The following PLPPR4 variants were observed in gnomAD, a reference collection of about 807,000 sequenced individuals.
PLPPR4 encodes phospholipid phosphatase-related protein type 4.
PLPPR4 carries 24 observed loss-of-function variants against 56.6 expected under a neutral mutation model. That is an observed-to-expected ratio of 0.42 (90% CI 0.31 to 0.60). PLPPR4 has a LOEUF of 0.60. Ranked by LOEUF, PLPPR4 falls within the 20% of genes least tolerant of loss-of-function variation. PLPPR4 has a pLI of 0.13. For missense variants in PLPPR4, 654 were observed against 885.8 expected, an observed-to-expected ratio of 0.74 and a Z score of 3.32; for synonymous variants, 326 against 328.1, an observed-to-expected ratio of 0.99 and a Z score of 0.07.
At chr1:99,296,933 T>G in intron 3 of PLPPR4, 66 bp downstream of exon 3, 9 of 1,365,760 alleles carry the variant, frequency 6.6e-6, no homozygotes, top group Middle Eastern at 2.4e-4. Flanking sequence ...TATATTTAAT[T>G]ATAGATATTA....
At position 99,271,696 on chromosome 1, in the gene PLPPR4, G is replaced by A. The variant is rs1186275247; in HGVS notation, c.78+7025G>A. Among the ~76,000 whole-genome samples, 3 of 152,258 alleles carry A rather than the reference G, an allele frequency of 2.0e-5. No individual in the cohort carries two copies. In the East Asian group the frequency reaches 5.8e-4, roughly 29 times the overall value. Reference sequence around the variant, plus strand: ...CTGGGCAAGCACAAATGGCACCCATGAGTCTCTGATGAAGATTAATGAGGA... The same window carrying A: ...CTGGGCAAGCACAAATGGCACCCATAAGTCTCTGATGAAGATTAATGAGGA... On this transcript the variant is annotated intron_variant, in intron 1 of 6. Transcript: ENST00000370185.
In PLPPR4 at chr1:99,293,039, G is replaced by C. The variant is rs150640067; in HGVS notation, c.265-3699G>C. 8.6e-3 allele frequency among the ~76,000 whole-genome samples: 1,303 copies of C among 152,246 alleles called. 8 individuals carry two copies. The highest frequency in any genetic ancestry group is 0.014 in the Non-Finnish European group (982 of 68,026). ...TGTTCCAAAAATGGGGTCATGAGAG[G>C]GGGTAGGGAGGTAAGCAGAACTCTC... On this transcript the variant is annotated intron_variant, in intron 2 of 6. Coordinates refer to ENST00000370185, the MANE Select transcript of PLPPR4 (RefSeq NM_014839.5).
intron 1 of PLPPR4, among the ~76,000 whole-genome samples, chr1:99,285,674 G>A (rs1332320913): frequency 4.0e-5 from 6 of 151,806 alleles, no homozygotes; most frequent in Non-Finnish European, 8.8e-5. Context: ...GACCTCTTGG[G>A]AATAGAAGAC....
At chr1:99,299,349 C>A (rs1369797337) in intron 4 of PLPPR4, 119 bp downstream of exon 4, 3 of 732,500 alleles carry the variant, frequency 4.1e-6, no homozygotes, top group Non-Finnish European at 6.7e-6. Context: ...TTTTTCTTTT[C>A]AATTCAATGA....
At chr1:99,291,164 C>G (rs1659610751) in intron 2 of PLPPR4, among the ~76,000 whole-genome samples, 1 of 151,294 alleles carries the variant, frequency 6.6e-6, no homozygotes. Flanking sequence ...GGCATACATG[C>G]AGCCAACTAG....
At chr1:99,294,465 G>A (rs750090303) in intron 2 of PLPPR4, among the ~76,000 whole-genome samples, 9 of 152,290 alleles carry the variant, frequency 5.9e-5, no homozygotes, top group Middle Eastern at 3.4e-3. Flanking sequence ...GGAGGCAGAG[G>A]CAGGTGGATC....
intron 5 of PLPPR4, among the ~76,000 whole-genome samples, chr1:99,301,224 G>A (rs988154350): frequency 3.3e-5 from 5 of 151,746 alleles, no homozygotes; most frequent in Admixed American, 1.3e-4. Context: ...TACTTCATAG[G>A]AGGATATTGT....
At chr1:99,271,851 C>T (rs1659065889) in intron 1 of PLPPR4, among the ~76,000 whole-genome samples, 1 of 149,662 alleles carries the variant, frequency 6.7e-6, no homozygotes, top group South Asian at 2.1e-4. Flanking sequence ...GAGGTCAAGT[C>T]AAGCAGGATT....
chr1:99,303,579 G>T (rs1261006556), intron 6 of PLPPR4, among the ~76,000 whole-genome samples: 1 of 152,136 alleles, frequency 6.6e-6, no homozygotes, highest in Non-Finnish European at 1.5e-5. Context: ...GAGAAGAGCT[G>T]ACAGAAGTAA....
rs1386731207 is a variant in PLPPR4 at position 99,308,482 on chromosome 1, C to T, written c.*1472C>T. 2.0e-5 allele frequency: 3 copies of T among 152,564 alleles called. No homozygotes were observed. The highest frequency in any genetic ancestry group is 4.4e-5 in the Non-Finnish European group (3 of 68,038). 9.5% of individuals were successfully genotyped at this position (152,564 alleles called of 1,614,324 possible). A position where few individuals can be genotyped will look rare whatever the true frequency, so the allele number is the denominator to read the frequency against. ...TTCCAACTTAAAGTATGAAGACATA[C>T]TCAGTTCTTGGAACTTAGTATTAAA... On this transcript the variant is annotated 3_prime_UTR_variant, in exon 7 of 7. Transcript: ENST00000370185.
chr1:99,287,395 G>A (rs943766105), intron 1 of PLPPR4, among the ~76,000 whole-genome samples: 1 of 152,030 alleles, frequency 6.6e-6, no homozygotes, highest in African/African-American at 2.4e-5. Flanking sequence ...CTATTCCTTT[G>A]GGTATATACC....
At chr1:99,263,211 T>G (rs1462221750), upstream of PLPPR4, among the ~76,000 whole-genome samples, 2 of 152,114 alleles carry the variant, frequency 1.3e-5, no homozygotes, top group Non-Finnish European at 2.9e-5. Flanking sequence ...CGGTTGTGTG[T>G]TTTTCTCCAG....
intron 1 of PLPPR4, among the ~76,000 whole-genome samples, chr1:99,278,504 G>A (rs1317421166): frequency 3.3e-5 from 5 of 152,072 alleles, no homozygotes; most frequent in African/African-American, 4.8e-5. Flanking sequence ...AATTACAGCT[G>A]GAAGAAAGGA....
chr1:99,287,103 T>A (rs967076628), intron 1 of PLPPR4, among the ~76,000 whole-genome samples: 1 of 152,168 alleles, frequency 6.6e-6, no homozygotes, highest in African/African-American at 2.4e-5. Context: ...GTGTTCTCAA[T>A]GTTAAACTCC....
At chr1:99,304,499 C>T (rs1659967399) in intron 6 of PLPPR4, among the ~76,000 whole-genome samples, 1 of 152,140 alleles carries the variant, frequency 6.6e-6, no homozygotes, top group African/African-American at 2.4e-5. Flanking sequence ...GAGGATCTTC[C>T]CCAACTTACA....
chr1:99,301,576 T>C (rs1659884874), intron 5 of PLPPR4, 148 bp from the exon 6 acceptor site: 4 of 486,902 alleles, frequency 8.2e-6, no homozygotes, highest in African/African-American at 3.9e-5. Flanking sequence ...ATATCCCTTC[T>C]TGGCAGGCAC....
At chr1:99,300,268 C>T (rs1396603036) in intron 4 of PLPPR4, among the ~76,000 whole-genome samples, 2 of 151,842 alleles carry the variant, frequency 1.3e-5, no homozygotes, top group Non-Finnish European at 2.9e-5. Flanking sequence ...TCTTCTTTTG[C>T]CTGCCCTTTT....
rs1390040551 is a variant in PLPPR4, at chr1:99,306,300, C to G, written c.1438C>G (p.Pro480Ala). ...GGPRVSIQSR[P>A]GSSQLVHIPE... ...GCCAAGAGTGTCCATTCAGTCCCGTCCTGGGTCCTCACAGTTGGTGCACAT... is the reference window on the plus strand; with the variant it reads ...GCCAAGAGTGTCCATTCAGTCCCGTGCTGGGTCCTCACAGTTGGTGCACAT... Residue 480 changes from proline (P) to alanine (A), a missense_variant, in exon 7 of 7, where the codon CCT becomes GCT. Around this residue, in one of 2 missense-constraint regions of PLPPR4, gnomAD observed 468 missense variants for 554.3 expected, o/e 0.84. Coordinates refer to ENST00000370185, the MANE Select transcript of PLPPR4 (RefSeq NM_014839.5). The surrounding 1 kb of genome is among the most constrained non-coding windows in gnomAD (Gnocchi z 4.0). The G allele has an allele frequency of 1.2e-6, 2 of 1,614,044 alleles. No individual in the cohort carries two copies. The highest frequency in any genetic ancestry group is 1.7e-6 in the Non-Finnish European group (2 of 1,180,022).
chr1:99,287,856 T>C (rs1045138553), intron 1 of PLPPR4, 109 bp from the exon 2 acceptor site: 12 of 790,852 alleles, frequency 1.5e-5, no homozygotes, highest in Admixed American at 2.6e-5. Flanking sequence ...GATTTTTAAC[T>C]CTGGAATCGG....
Sources: allele counts gnomAD v4.1 joint callset (sites outside exome capture counted in the v4.1 genomes callset), GRCh38; gene constraint gnomAD v4.1.1; regional missense constraint gnomAD v4.1.1; non-coding constraint Gnocchi (gnomAD v3.1); transcripts MANE v1.5; gene names NCBI Gene and HGNC (gene_info 2026-07-23, HGNC 2026-07-21).